The following CTNNBL1 variants were observed in gnomAD, a reference collection of about 807,000 sequenced individuals.
CTNNBL1 encodes beta-catenin-like protein 1.
In CTNNBL1, 31 loss-of-function variants were observed where a neutral mutation model predicts 72.7. That is an observed-to-expected ratio of 0.43 (90% CI 0.32 to 0.58). The LOEUF (loss-of-function observed/expected upper bound fraction) is 0.58. Among genes scored for constraint, CTNNBL1 ranks in the 20% least tolerant of loss-of-function variants. The pLI is 0.08. For missense variants in CTNNBL1, 534 were observed against 725.1 expected, an observed-to-expected ratio of 0.74 and a Z score of 3.03; for synonymous variants, 240 against 267.3, an observed-to-expected ratio of 0.90 and a Z score of 1.00.
intron 1 of CTNNBL1, among the ~76,000 whole-genome samples, chr20:37,707,977 A>AACAC (rs1186982701): frequency 6.6e-6 from 1 of 152,216 alleles, no homozygotes; most frequent in Non-Finnish European, 1.5e-5. Context: ...AGGCACTCAG[A>AACAC]ACACACACAT....
chr20:37,750,646 A>C (rs2073310832), intron 4 of CTNNBL1: 1 of 152,216 alleles, frequency 6.6e-6, no homozygotes, highest in East Asian at 1.9e-4. Context: ...AACAAACCAC[A>C]ACAACGATCA....
chr20:37,859,937 C>T lies in CTNNBL1; in HGVS notation c.1431C>T (p.Thr477=), dbSNP rs774471300. ...VRRGEIIDND[T]EEEFYLRRLD... ...GAGGAGAGATCATCGACAATGACACCGAGGAGGAGTTCTACCTCCGGCGCC... is the reference window on the plus strand; with the variant it reads ...GAGGAGAGATCATCGACAATGACACTGAGGAGGAGTTCTACCTCCGGCGCC... The change falls in exon 14 of 16, where the codon ACC becomes ACT. Residue 477 remains threonine, a synonymous_variant. Transcript: ENST00000361383. 14 of 1,614,002 alleles carry T rather than the reference C, an allele frequency of 8.7e-6. No homozygotes were observed. Among genetic ancestry groups the T allele is most frequent in the South Asian group, 5.5e-5 (5 of 91,078 alleles).
chr20:37,701,767 G>A (rs1160480778), intron 1 of CTNNBL1, among the ~76,000 whole-genome samples: 1 of 152,012 alleles, frequency 6.6e-6, no homozygotes, highest in Non-Finnish European at 1.5e-5. Context: ...GGTCGGAGAC[G>A]ATGGGGGTCA....
At chr20:37,749,825 C>T (rs2073302354) in intron 4 of CTNNBL1, 1 of 152,090 alleles carries the variant, frequency 6.6e-6, no homozygotes, top group African/African-American at 2.4e-5. Flanking sequence ...CACTCTGCTG[C>T]TTGTCTTATC....
rs564374020 is a variant in CTNNBL1 at position 37,788,944 on chromosome 20, T to C, written c.1031+9609T>C. Among the ~76,000 whole-genome samples, 21 of 152,316 alleles carry C rather than the reference T, an allele frequency of 1.4e-4. 1 individual carries two copies. In the South Asian group the frequency reaches 2.9e-3, roughly 21 times the overall value. ...TCAAACTGTCTGGATTTCACAGTGC[T>C]TGACAGAATCAATAAGAAGAAAAGC... On this transcript the variant is annotated intron_variant, in intron 10 of 15. Coordinates refer to ENST00000361383, the MANE Select transcript of CTNNBL1 (RefSeq NM_030877.5).
chr20:37,704,617 G>T (rs1229182841), intron 1 of CTNNBL1, among the ~76,000 whole-genome samples: 1 of 152,016 alleles, frequency 6.6e-6, no homozygotes, highest in East Asian at 1.9e-4. Context: ...ATGCTGAAGT[G>T]GGAGGATTGC....
At position 37,763,873 on chromosome 20, in the gene CTNNBL1, A is replaced by G. The variant is rs1252993644; in HGVS notation, c.565-1324A>G. On this transcript the variant is annotated intron_variant, in intron 5 of 15. Transcript: ENST00000361383. Reference sequence around the variant, plus strand: ...TTACATGAGGATAAATGGAGCAATTACAGTGCACAAACTATGTGTTCCATC... The same window carrying G: ...TTACATGAGGATAAATGGAGCAATTGCAGTGCACAAACTATGTGTTCCATC... Among the ~76,000 whole-genome samples, 4 of 152,230 alleles carry G rather than the reference A, an allele frequency of 2.6e-5. No homozygotes were observed. The East Asian group carries it at 7.7e-4, about 29-fold the overall frequency.
intron 4 of CTNNBL1, among the ~76,000 whole-genome samples, chr20:37,752,838 C>T (rs1237313752): frequency 6.6e-6 from 1 of 152,070 alleles, no homozygotes; most frequent in South Asian, 2.1e-4. Context: ...CCTTTCTACT[C>T]GACATGACAA....
chr20:37,816,554 T>C (rs746110999), intron 11 of CTNNBL1, among the ~76,000 whole-genome samples: 6 of 152,166 alleles, frequency 3.9e-5, no homozygotes, highest in Admixed American at 6.5e-5. Flanking sequence ...GATAAGATAA[T>C]ATACGAGAAA....
At chr20:37,704,347 G>A (rs2072868042) in intron 1 of CTNNBL1, among the ~76,000 whole-genome samples, 1 of 152,136 alleles carries the variant, frequency 6.6e-6, no homozygotes, top group African/African-American at 2.4e-5. Context: ...TATGGAGGGA[G>A]CGCTGCACCT....
intron 1 of CTNNBL1, among the ~76,000 whole-genome samples, chr20:37,702,514 A>G (rs2072852875): frequency 6.6e-6 from 1 of 152,192 alleles, no homozygotes; most frequent in African/African-American, 2.4e-5. Context: ...GTCATTTTAT[A>G]TAGGCTCTTT....
chr20:37,860,004 A>G lies in CTNNBL1; in HGVS notation c.1498A>G (p.Met500Val), dbSNP rs1458802998. 9.9e-6 allele frequency: 16 copies of G among 1,613,966 alleles called. No homozygotes were observed. The highest frequency in any genetic ancestry group is 1.3e-5 in the African/African-American group (1 of 74,894). Reference protein sequence around the residue: ...LFVLQHICYIMAEICNANVPQ... With the variant: ...LFVLQHICYIVAEICNANVPQ... The stretch of plus-strand genomic sequence containing the variant: ...TGTTCTCCAGCACATCTGCTACATC[A>G]TGGCCGAGATCTGCAATGCCAATGT... The change falls in exon 14 of 16, where the codon ATG (methionine) becomes GTG (valine). Residue 500 changes from methionine to valine, a missense_variant. By Grantham distance (21) the Met-to-Val change is conservative. Coordinates refer to ENST00000361383, the MANE Select transcript of CTNNBL1 (RefSeq NM_030877.5).
chr20:37,754,151 GT>G (rs1172123942), intron 4 of CTNNBL1, among the ~76,000 whole-genome samples: 2 of 152,000 alleles, frequency 1.3e-5, no homozygotes, highest in African/African-American at 4.8e-5. Flanking sequence ...TAGTTAATAA[GT>G]TTATTAACTA....
At chr20:37,847,300 G>A (rs779722341) in intron 13 of CTNNBL1, among the ~76,000 whole-genome samples, 1 of 152,160 alleles carries the variant, frequency 6.6e-6, no homozygotes, top group Non-Finnish European at 1.5e-5. Flanking sequence ...CTAGCAAAGA[G>A]TTCCATGTCT....
chr20:37,718,064 C>G (rs1034509239), intron 1 of CTNNBL1, among the ~76,000 whole-genome samples: 65 of 152,272 alleles, frequency 4.3e-4, no homozygotes, highest in Admixed American at 3.6e-3. Flanking sequence ...ACCTTTCCCC[C>G]CTTTCTATTC....
intron 11 of CTNNBL1, among the ~76,000 whole-genome samples, chr20:37,803,848 A>T (rs1203578018): frequency 1.3e-5 from 2 of 149,996 alleles, no homozygotes; most frequent in Non-Finnish European, 3.0e-5. Flanking sequence ...TGTTCGTCCC[A>T]TGGTTTAGGA....
intron 11 of CTNNBL1, among the ~76,000 whole-genome samples, chr20:37,821,806 T>C (rs1208312857): frequency 2.0e-5 from 3 of 152,196 alleles, no homozygotes; most frequent in Non-Finnish European, 4.4e-5. Flanking sequence ...CCCCTTCATA[T>C]TGTAGAGTGT....
At chr20:37,741,513 G>A (rs182524781) in intron 3 of CTNNBL1, among the ~76,000 whole-genome samples, 24 of 152,294 alleles carry the variant, frequency 1.6e-4, no homozygotes, top group African/African-American at 4.3e-4. Context: ...GGGACACCAC[G>A]CTCTGTGTTC....
At chr20:37,715,680 G>T (rs2072980116) in intron 1 of CTNNBL1, among the ~76,000 whole-genome samples, 1 of 152,200 alleles carries the variant, frequency 6.6e-6, no homozygotes, top group South Asian at 2.1e-4. Context: ...ATGTTTACTG[G>T]AATTCTCAGA....
Sources: gnomAD v4.1 joint callset for allele counts (sites outside exome capture counted in the v4.1 genomes callset) on GRCh38, gnomAD v4.1.1 for gene constraint, MANE v1.5 for transcripts, NCBI Gene and HGNC (gene_info 2026-07-23, HGNC 2026-07-21) for gene names.